The following INSR variants were observed in gnomAD, a reference collection of about 807,000 sequenced individuals.
INSR encodes IR.
In INSR, 67 loss-of-function variants were observed where a neutral mutation model predicts 142.6. That is an observed-to-expected ratio of 0.47 (90% CI 0.39 to 0.58). The LOEUF (loss-of-function observed/expected upper bound fraction) is 0.58, where lower values mean the gene tolerates loss of function less well. INSR is among the 20% of genes least tolerant of loss of function. The pLI is 0.00. For synonymous variants in INSR, 756 were observed against 743.1 expected (o/e 1.02, Z -0.28); for missense variants, 1,248 against 1,833.2 (o/e 0.68, Z 5.83).
chr19:7,161,781 A>G (rs1251962315), intron 9 of INSR, among the ~76,000 whole-genome samples: 4 of 152,174 alleles, frequency 2.6e-5, no homozygotes, highest in Non-Finnish European at 4.4e-5. Context: ...GGGAGAAAGA[A>G]GGAGAGACAA....
intron 1 of INSR, among the ~76,000 whole-genome samples, chr19:7,286,761 T>A (rs1456672108): frequency 6.6e-6 from 1 of 151,774 alleles, no homozygotes. Flanking sequence ...CTTTTTGCAA[T>A]GAGAATGCAT....
At chr19:7,178,003 A>G (rs1465892924) in intron 3 of INSR, among the ~76,000 whole-genome samples, 1 of 151,880 alleles carries the variant, frequency 6.6e-6, no homozygotes, top group Non-Finnish European at 1.5e-5. Context: ...CGCACACAGA[A>G]CGCAATTTTA....
chr19:7,140,771 C>A (rs1242580470), intron 13 of INSR, among the ~76,000 whole-genome samples: 1 of 147,242 alleles, frequency 6.8e-6, no homozygotes, highest in Non-Finnish European at 1.5e-5. Flanking sequence ...GAATTAACGG[C>A]CCTTTTTTTT....
intron 2 of INSR, among the ~76,000 whole-genome samples, chr19:7,264,428 G>A (rs1443139606): frequency 6.6e-6 from 1 of 152,172 alleles, no homozygotes; most frequent in Non-Finnish European, 1.5e-5. Context: ...TGGATATTTT[G>A]TCTAAAACAG....
intron 3 of INSR, among the ~76,000 whole-genome samples, chr19:7,177,864 T>G (rs936917137): frequency 7.9e-5 from 12 of 151,696 alleles, no homozygotes; most frequent in African/African-American, 2.4e-4. Context: ...CCAATTTGAG[T>G]TGGGGTTCTG....
chr19:7,210,783 GCA>G (rs1975252146), intron 2 of INSR, among the ~76,000 whole-genome samples: 1 of 152,068 alleles, frequency 6.6e-6, no homozygotes, highest in Admixed American at 6.5e-5. Flanking sequence ...AGGCTGGAGT[GCA>G]GTGGTACAGT....
At chr19:7,183,877 G>A (rs1974339416) in intron 3 of INSR, among the ~76,000 whole-genome samples, 1 of 151,804 alleles carries the variant, frequency 6.6e-6, no homozygotes, top group Non-Finnish European at 1.5e-5. Context: ...TGACCAACAT[G>A]GCGAAACCCT....
chr19:7,215,175 G>T (rs781324640), intron 2 of INSR, among the ~76,000 whole-genome samples: 32 of 152,088 alleles, frequency 2.1e-4, no homozygotes, highest in Non-Finnish European at 3.7e-4. Context: ...GAAGAACTAG[G>T]ATTCGAACCC....
intron 11 of INSR, among the ~76,000 whole-genome samples, chr19:7,147,649 A>C (rs1030015978): frequency 6.6e-6 from 1 of 152,206 alleles, no homozygotes; most frequent in Admixed American, 6.5e-5. Context: ...AAAGACTAAC[A>C]ACATTGTAGA....
intron 9 of INSR, among the ~76,000 whole-genome samples, chr19:7,160,927 C>T (rs752610695): frequency 4.8e-5 from 7 of 146,712 alleles, no homozygotes; most frequent in South Asian, 2.2e-4. Flanking sequence ...ACCCAGCAGG[C>T]GGAGGTTGCA....
Position 7,282,246 on chromosome 19 carries a change from T to A in INSR, c.100+11546A>T, listed in dbSNP as rs181090979. Among the ~76,000 whole-genome samples the A allele has an allele frequency of 2.6e-3, 388 of 152,046 alleles. 2 individuals are homozygous for A. Among genetic ancestry groups the A allele is most frequent in the African/African-American group, 8.8e-3 (366 of 41,454 alleles). ...TGGGCGTGGTGGTGTACGCCTGTAA[T>A]CCCAGCTACTCGGGAGGCTGAGGCA... On this transcript the variant is annotated intron_variant, in intron 1 of 21. Coordinates refer to ENST00000302850, the MANE Select transcript of INSR (RefSeq NM_000208.4).
At chr19:7,293,578 G>T (rs1968554948) in intron 1 of INSR, among the ~76,000 whole-genome samples, 1 of 152,198 alleles carries the variant, frequency 6.6e-6, no homozygotes, top group Non-Finnish European at 1.5e-5. Flanking sequence ...CTCAGGTCGG[G>T]CACGCAGGGC....
rs780624777 is a variant in INSR, at chr19:7,174,748, G to C, written c.975-17C>G. On this transcript the variant is annotated splice_polypyrimidine_tract_variant and intron_variant, in intron 3 of 21. Coordinates refer to ENST00000302850, the MANE Select transcript of INSR (RefSeq NM_000208.4). Reference sequence around the variant, plus strand: ...CACAGCAAGCTAAGGACGGAGCAGAGAGAGAGAGAAAGAGAAAGGGGAGGG... The same window carrying C: ...CACAGCAAGCTAAGGACGGAGCAGACAGAGAGAGAAAGAGAAAGGGGAGGG... 6.2e-7 allele frequency: 1 copy of C among 1,608,364 alleles called. No homozygotes were observed. Among genetic ancestry groups the C allele is most frequent in the South Asian group, 1.1e-5 (1 of 90,846 alleles).
chr19:7,174,119 G>GA (rs989672145), intron 4 of INSR, among the ~76,000 whole-genome samples: 1 of 148,674 alleles, frequency 6.7e-6, no homozygotes, highest in African/African-American at 2.5e-5. Flanking sequence ...CCTGGCCCTG[G>GA]AAAAAAATTA....
Position 7,189,662 on chromosome 19 carries a change from TAC to T in INSR, c.653-5027_653-5026del, listed in dbSNP as rs1491467412. On this transcript the variant is annotated intron_variant, in intron 2 of 21. Coordinates refer to ENST00000302850, the MANE Select transcript of INSR (RefSeq NM_000208.4). ...ATGTACCTGTAATTGATTTTACTAT[TAC>T]TTTTTTTTTTTTTTTTTGAAACCGA... 1.7e-4 allele frequency among the ~76,000 whole-genome samples: 25 copies of T among 147,750 alleles called. 1 individual carries two copies. Among genetic ancestry groups the T allele is most frequent in the African/African-American group, 5.3e-4 (20 of 37,948 alleles).
chr19:7,230,817 A>T lies in INSR; in HGVS notation c.652+36528T>A, dbSNP rs527908130. 1.3e-4 allele frequency among the ~76,000 whole-genome samples: 19 copies of T among 151,640 alleles called. 1 individual carries two copies. Among genetic ancestry groups the T allele is most frequent in the African/African-American group, 2.9e-4 (12 of 41,356 alleles). On this transcript the variant is annotated intron_variant, in intron 2 of 21. Coordinates refer to ENST00000302850, the MANE Select transcript of INSR (RefSeq NM_000208.4). ...TGAGACTCCATCTCAAAAATAAAAA[A>T]AAAATAAAAAATATTAGCTCAAGGC...
intron 2 of INSR, among the ~76,000 whole-genome samples, chr19:7,242,586 A>C (rs553810485): frequency 6.6e-6 from 1 of 151,680 alleles, no homozygotes; most frequent in African/African-American, 2.4e-5. Flanking sequence ...AAAAACACAA[A>C]AATTAGCCAG....
chr19:7,167,963 C>T lies in INSR; in HGVS notation c.1610+5G>A, dbSNP rs1973925811. 6.2e-7 allele frequency: 1 copy of T among 1,613,858 alleles called. No individual in the cohort carries two copies. Among genetic ancestry groups the T allele is most frequent in the Non-Finnish European group, 8.5e-7 (1 of 1,179,954 alleles). On this transcript the variant is annotated splice_donor_5th_base_variant and intron_variant, in intron 7 of 21. Transcript: ENST00000302850. Reference sequence around the variant, plus strand: ...CCTCAGCGTCTCTCTAACTCTTCTACTTACGCCTCTTTGTAGAACAGCATG... The same window carrying T: ...CCTCAGCGTCTCTCTAACTCTTCTATTTACGCCTCTTTGTAGAACAGCATG...
chr19:7,131,073 T>C (rs1053111524), intron 14 of INSR, among the ~76,000 whole-genome samples: 2 of 150,908 alleles, frequency 1.3e-5, no homozygotes, highest in Non-Finnish European at 1.5e-5. Context: ...AGAGATGGGG[T>C]TTCACCATGT....
Sources: gnomAD v4.1 joint callset for allele counts (sites outside exome capture counted in the v4.1 genomes callset) on GRCh38, gnomAD v4.1.1 for gene constraint, MANE v1.5 for transcripts, NCBI Gene and HGNC (gene_info 2026-07-23, HGNC 2026-07-21) for gene names.